KLHL15: variants seen among roughly 807,000 people sequenced by gnomAD.
The protein encoded by KLHL15 is kelch like family member 15, also known as kelch-like protein 15.
KLHL15 carries 1 observed loss-of-function variant against 29.3 expected under a neutral mutation model. The observed-to-expected ratio is 0.03, with a 90% CI of 0.01 to 0.16. The LOEUF is 0.16. KLHL15 is among the 10% of genes least tolerant of loss of function. The pLI, the probability that KLHL15 is intolerant of heterozygous loss-of-function variation, is 1.00. For synonymous variants in KLHL15, 212 were observed against 184.5 expected (o/e 1.15, Z -1.21); for missense variants, 215 against 478.5 (o/e 0.45, Z 5.14).
intron 2 of KLHL15, among the ~76,000 whole-genome samples, chrX:24,011,167 CAAAAAAAA>C (rs200250064): frequency 1.9e-5 from 1 of 53,976 alleles, no homozygotes; most frequent in African/African-American, 5.8e-5. Flanking sequence ...AAAGTCATCT[CAAAAAAAA>C]AAAAAAAGAA....
intron 2 of KLHL15, among the ~76,000 whole-genome samples, chrX:24,020,194 A>T (rs1455744455): frequency 1.8e-5 from 2 of 112,703 alleles, no homozygotes; most frequent in South Asian, 3.6e-4. Context: ...TTTCTGAGTC[A>T]TAACATTTCT....
rs377718872 is a variant in KLHL15 at position 23,989,043 on chromosome X, G to A, written c.706-13C>T. 27 of 1,160,843 alleles carry A rather than the reference G, an allele frequency of 2.3e-5. No homozygotes were observed. Among genetic ancestry groups the A allele is most frequent in the Non-Finnish European group, 2.9e-5 (25 of 870,110 alleles). On this transcript the variant is annotated splice_polypyrimidine_tract_variant and intron_variant, in intron 3 of 3. Transcript: ENST00000328046. Reference sequence around the variant, plus strand: ...CTGATGTCTTAACCTAAGAACACAAGAAAAAGAATTTAACCAAAGGAAAAA... The same window carrying A: ...CTGATGTCTTAACCTAAGAACACAAAAAAAAGAATTTAACCAAAGGAAAAA...
At chrX:24,013,449 GAGA>G (rs1315337347) in intron 2 of KLHL15, among the ~76,000 whole-genome samples, 2 of 109,825 alleles carry the variant, frequency 1.8e-5, no homozygotes, top group East Asian at 2.9e-4. Context: ...ATTTTTAGTA[GAGA>G]AGGAGTTTCG....
Position 24,025,029 on chromosome X carries a change from T to G in KLHL15, c.-180A>C. 3.4e-6 allele frequency: 1 copy of G among 296,521 alleles called. No homozygotes were observed. The highest frequency in any genetic ancestry group is 5.9e-6 in the Non-Finnish European group (1 of 169,615). 24.4% of individuals were successfully genotyped at this position (296,521 alleles called of 1,213,427 possible). On this transcript the variant is annotated 5_prime_UTR_variant, in exon 2 of 4. Coordinates refer to ENST00000328046, the MANE Select transcript of KLHL15 (RefSeq NM_030624.3). Reference sequence around the variant, plus strand: ...GGGTCGCTCCGGCGGGGCACGAGAGTGCTCGCCTGCAGCCCCCTCTGGATA... The same window carrying G: ...GGGTCGCTCCGGCGGGGCACGAGAGGGCTCGCCTGCAGCCCCCTCTGGATA...
chrX:24,003,585 A>C (rs200607521), intron 3 of KLHL15, among the ~76,000 whole-genome samples: 2 of 108,268 alleles, frequency 1.8e-5, no homozygotes, highest in African/African-American at 6.7e-5. Context: ...ACAAAAAAAA[A>C]CCATGTAGAT....
intron 3 of KLHL15, among the ~76,000 whole-genome samples, chrX:24,005,194 T>C (rs182125663): frequency 9.8e-5 from 11 of 111,839 alleles, no homozygotes; most frequent in Non-Finnish European, 1.7e-4. Context: ...TCTATGACCT[T>C]TGGGCAAGAA....
chrX:23,990,405 G>T (rs1285331549), intron 3 of KLHL15, among the ~76,000 whole-genome samples: 2 of 111,224 alleles, frequency 1.8e-5, no homozygotes, highest in Non-Finnish European at 3.8e-5. Flanking sequence ...ATACTTTGTG[G>T]AAGATATAAG....
Position 23,995,775 on chromosome X carries a change from G to A in KLHL15, c.706-6745C>T, listed in dbSNP as rs182091892. Among the ~76,000 whole-genome samples the A allele has an allele frequency of 6.1e-3, 663 of 108,407 alleles. 1 individual carries two copies. The highest frequency in any genetic ancestry group is 0.021 in the African/African-American group (612 of 29,719). 94.1% of individuals were successfully genotyped at this position (108,407 alleles called of 115,157 possible). ...TTTGAAAGAAAAAAAAAATTGAGAC[G>A]GATTTCACTTGTTGCCCAAGCTGGA... On this transcript the variant is annotated intron_variant, in intron 3 of 3. Transcript: ENST00000328046.
Position 23,987,293 on chromosome X carries a change from G to A in KLHL15, c.*628C>T, listed in dbSNP as rs1929003941. On this transcript the variant is annotated 3_prime_UTR_variant, in exon 4 of 4. Coordinates refer to ENST00000328046, the MANE Select transcript of KLHL15 (RefSeq NM_030624.3). ...CTTAAAAATATAGAATCCTAACCACGCATAAAAGGGATGTGCCTTGTGTAT... is the reference window on the plus strand; with the variant it reads ...CTTAAAAATATAGAATCCTAACCACACATAAAAGGGATGTGCCTTGTGTAT... 8.9e-6 allele frequency: 1 copy of A among 112,072 alleles called. No individual in the cohort carries two copies. The highest frequency in any genetic ancestry group is 3.7e-4 in the South Asian group (1 of 2,731). The allele number at this position is 112,072 out of a possible 1,213,427, so 9.2% of individuals were successfully genotyped here.
intron 2 of KLHL15, among the ~76,000 whole-genome samples, chrX:24,023,407 A>G (rs1257806507): frequency 3.6e-5 from 4 of 112,354 alleles, no homozygotes; most frequent in Non-Finnish European, 7.5e-5. Flanking sequence ...GCCTTTTTAC[A>G]AAACACAAAA....
At chrX:24,008,086 C>T (rs1030248334) in intron 2 of KLHL15, among the ~76,000 whole-genome samples, 3 of 111,453 alleles carry the variant, frequency 2.7e-5, no homozygotes, top group Non-Finnish European at 5.7e-5. Flanking sequence ...CCTCATTACC[C>T]TTACTTTGAA....
intron 3 of KLHL15, among the ~76,000 whole-genome samples, chrX:23,994,028 C>G (rs1261057142): frequency 1.1e-5 from 1 of 90,466 alleles, no homozygotes; most frequent in Admixed American, 1.3e-4. Flanking sequence ...GCCTGGGCAA[C>G]AGAGTGAGAC....
At position 24,008,450 on chromosome X, in the gene KLHL15, G is replaced by C. The variant is rs530832140; in HGVS notation, c.-7-1750C>G. ...AGACAGGTTTCGCCATGTTGGCTAG[G>C]CTGGTCTAAAACTCCTGACCTCAGA... On this transcript the variant is annotated intron_variant, in intron 2 of 3. Coordinates refer to ENST00000328046, the MANE Select transcript of KLHL15 (RefSeq NM_030624.3). 2.7e-5 allele frequency among the ~76,000 whole-genome samples: 3 copies of C among 112,204 alleles called. No individual in the cohort carries two copies. The South Asian group carries it at 1.1e-3, about 41-fold the overall frequency.
At chrX:24,012,380 T>TCACACTCTC (rs963117116) in intron 2 of KLHL15, among the ~76,000 whole-genome samples, 4 of 111,543 alleles carry the variant, frequency 3.6e-5, no homozygotes, top group African/African-American at 1.3e-4. Flanking sequence ...GCTCAGCTCA[T>TCACACTCTC]CACACTCTCA....
chrX:24,026,473 A>G (rs1327142676), intron 1 of KLHL15, among the ~76,000 whole-genome samples: 1 of 108,844 alleles, frequency 9.2e-6, no homozygotes, highest in Non-Finnish European at 1.9e-5. Context: ...GATGACGGAA[A>G]TACACAGTTG....
At chrX:24,013,446 G>A (rs1929613990) in intron 2 of KLHL15, among the ~76,000 whole-genome samples, 1 of 109,749 alleles carries the variant, frequency 9.1e-6, no homozygotes, top group Non-Finnish European at 1.9e-5. Context: ...TTTATTTTTA[G>A]TAGAGAAGGA....
At chrX:24,008,404 TA>T (rs991374551) in intron 2 of KLHL15, among the ~76,000 whole-genome samples, 1 of 111,448 alleles carries the variant, frequency 9.0e-6, no homozygotes, top group Non-Finnish European at 1.9e-5. Flanking sequence ...CACGCCCAGC[TA>T]ATTTTTGTAT....
At chrX:23,999,202 C>T (rs761568744) in intron 3 of KLHL15, among the ~76,000 whole-genome samples, 15 of 111,176 alleles carry the variant, frequency 1.3e-4, no homozygotes, top group African/African-American at 4.9e-4. Context: ...AGCCACTGCG[C>T]TTGGCCACGG....
chrX:23,989,193 C>CT (rs780131307), intron 3 of KLHL15, among the ~76,000 whole-genome samples, 163 bp from the exon 4 acceptor site: 3,157 of 101,317 alleles, frequency 0.031, 129 homozygotes, highest in African/African-American at 0.094. Context: ...TTTAAAAAAT[C>CT]TTTTTTTTTT....
Sources: allele counts gnomAD v4.1 joint callset (sites outside exome capture counted in the v4.1 genomes callset), GRCh38; gene constraint gnomAD v4.1.1; transcripts MANE v1.5; gene names NCBI Gene and HGNC (gene_info 2026-07-23, HGNC 2026-07-21).